The following SNTB1 variants were observed in gnomAD, a reference collection of about 807,000 sequenced individuals.
SNTB1 encodes the protein beta-1-syntrophin.
SNTB1 carries 36 observed loss-of-function variants against 48.9 expected under a neutral mutation model. The observed-to-expected ratio is 0.74, with a 90% CI of 0.56 to 0.97. The LOEUF (loss-of-function observed/expected upper bound fraction) is 0.97, where lower values mean the gene tolerates loss of function less well. Among genes scored for constraint, SNTB1 ranks in the 50% least tolerant of loss-of-function variants. The probability of loss-of-function intolerance (pLI) is 0.00; values close to 1 mark genes in which losing one functional copy is unlikely to be tolerated. For missense variants in SNTB1, 786 were observed against 703.4 expected, an observed-to-expected ratio of 1.12 and a Z score of -1.33; for synonymous variants, 299 against 294.6, an observed-to-expected ratio of 1.01 and a Z score of -0.15.
At position 120,632,452 on chromosome 8, in the gene SNTB1, C is replaced by T. The variant is rs148294004; in HGVS notation, c.988G>A (p.Ala330Thr). The change falls in exon 3 of 7, where the codon GCA (alanine) becomes ACA (threonine). Residue 330 changes from alanine to threonine, a missense_variant. Ala to Thr is a moderately conservative substitution (Grantham distance 58). Transcript: ENST00000517992. ...GAAGGTATTTTCCTTACCTTTTCTG[C>T]AAGCCAGCCAAGATGCCTAATCTCT... ...SREIRHLGWL[A>T]EKVPGESKKQ... 496 of 1,613,828 alleles carry T rather than the reference C, an allele frequency of 3.1e-4. No homozygotes were observed. The highest frequency in any genetic ancestry group is 4.0e-4 in the Non-Finnish European group (469 of 1,180,008).
intron 3 of SNTB1, among the ~76,000 whole-genome samples, chr8:120,610,265 T>C (rs1486695541): frequency 1.3e-5 from 2 of 152,144 alleles, no homozygotes; most frequent in Admixed American, 6.5e-5. Context: ...GCCTCCCAGG[T>C]AGCTCGGATT....
chr8:120,585,775 T>G (rs1816129717), intron 3 of SNTB1, among the ~76,000 whole-genome samples: 1 of 152,382 alleles, frequency 6.6e-6, no homozygotes, highest in Middle Eastern at 3.4e-3. Flanking sequence ...CCAGGGCAGA[T>G]GTTTGCAAGT....
intron 4 of SNTB1, chr8:120,571,244 A>C: frequency 1.6e-6 from 2 of 1,273,162 alleles, no homozygotes; most frequent in Non-Finnish European, 2.0e-6. Flanking sequence ...GAATCATTTC[A>C]AGATGCTTGG....
At chr8:120,588,560 A>G (rs1816187057) in intron 3 of SNTB1, among the ~76,000 whole-genome samples, 1 of 151,968 alleles carries the variant, frequency 6.6e-6, no homozygotes, top group African/African-American at 2.4e-5. Flanking sequence ...ACTTCCTGGC[A>G]GCAAGGAGGG....
At chr8:120,554,222 G>A (rs938206799) in intron 4 of SNTB1, among the ~76,000 whole-genome samples, 3 of 152,224 alleles carry the variant, frequency 2.0e-5, no homozygotes, top group African/African-American at 4.8e-5. Flanking sequence ...GTGACAAGGC[G>A]TTTCTACATG....
chr8:120,673,294 CTTT>C (rs112897189), intron 2 of SNTB1, among the ~76,000 whole-genome samples: 1 of 143,654 alleles, frequency 7.0e-6, no homozygotes, highest in African/African-American at 2.5e-5. Context: ...TTTTTTCTTT[CTTT>C]TTTTTTTTTT....
At position 120,812,044 on chromosome 8, in the gene SNTB1, C is replaced by T. The variant is rs1279314121; in HGVS notation, c.-201G>A. Reference sequence around the variant, plus strand: ...CTGCACTCAGGCTGGTTCCCCCTCGCCTGATCCTGACCGGGGTGGAGCAAC... The same window carrying T: ...CTGCACTCAGGCTGGTTCCCCCTCGTCTGATCCTGACCGGGGTGGAGCAAC... On this transcript the variant is annotated 5_prime_UTR_variant, in exon 1 of 7. Transcript: ENST00000517992. 3.2e-6 allele frequency: 4 copies of T among 1,252,674 alleles called. No homozygotes were observed. The highest frequency in any genetic ancestry group is 3.0e-6 in the Non-Finnish European group (3 of 1,003,444). The allele number at this position is 1,252,674 out of a possible 1,614,324, so 77.6% of individuals were successfully genotyped here.
intron 1 of SNTB1, among the ~76,000 whole-genome samples, chr8:120,740,990 A>G (rs1175571027): frequency 6.6e-6 from 1 of 152,220 alleles, no homozygotes; most frequent in Non-Finnish European, 1.5e-5. Context: ...TCAGTGGTTG[A>G]GCAAGGATTT....
intron 2 of SNTB1, among the ~76,000 whole-genome samples, chr8:120,640,758 T>C (rs1587054881): frequency 6.6e-6 from 1 of 152,348 alleles, no homozygotes. Context: ...AAAATTTTGA[T>C]GTGCTGCTGG....
At chr8:120,576,076 C>T (rs1268316809) in intron 3 of SNTB1, among the ~76,000 whole-genome samples, 1 of 152,170 alleles carries the variant, frequency 6.6e-6, no homozygotes, top group East Asian at 1.9e-4. Flanking sequence ...ATTCTTGCTA[C>T]TCAAAATATG....
intron 4 of SNTB1, among the ~76,000 whole-genome samples, chr8:120,564,248 T>C (rs1265697388): frequency 6.6e-6 from 1 of 152,100 alleles, no homozygotes; most frequent in Non-Finnish European, 1.5e-5. Flanking sequence ...TGGTTAAAGC[T>C]AAATGTGGGG....
intron 3 of SNTB1, among the ~76,000 whole-genome samples, chr8:120,632,064 C>G (rs922572649): frequency 6.6e-6 from 1 of 152,196 alleles, no homozygotes; most frequent in Non-Finnish European, 1.5e-5. Context: ...AAAACCCACA[C>G]AAACCCTTTT....
At chr8:120,691,392 T>C (rs1410816814) in intron 2 of SNTB1, among the ~76,000 whole-genome samples, 1 of 152,228 alleles carries the variant, frequency 6.6e-6, no homozygotes, top group Non-Finnish European at 1.5e-5. Context: ...GTTGAGAACT[T>C]ACATAAACAC....
chr8:120,651,198 C>T (rs564040076), intron 2 of SNTB1, among the ~76,000 whole-genome samples: 2 of 152,250 alleles, frequency 1.3e-5, no homozygotes, highest in African/African-American at 2.4e-5. Context: ...TATAGTCCAA[C>T]TCCCTTCCAG....
Position 120,740,526 on chromosome 8 carries a change from A to G in SNTB1, c.572-46618T>C, listed in dbSNP as rs551898927. ...TCTACAGTTACAGCAAACAATCAACACAACCTAACTCCTAGGCAAATAAAG... is the reference window on the plus strand; with the variant it reads ...TCTACAGTTACAGCAAACAATCAACGCAACCTAACTCCTAGGCAAATAAAG... On this transcript the variant is annotated intron_variant, in intron 1 of 6. Coordinates refer to ENST00000517992, the MANE Select transcript of SNTB1 (RefSeq NM_021021.4). Among the ~76,000 whole-genome samples, 164 of 152,322 alleles carry G rather than the reference A, an allele frequency of 1.1e-3. 2 individuals are homozygous for G. The highest frequency in any genetic ancestry group is 3.6e-3 in the African/African-American group (151 of 41,584).
At chr8:120,751,339 C>T (rs1314552669) in intron 1 of SNTB1, among the ~76,000 whole-genome samples, 1 of 152,172 alleles carries the variant, frequency 6.6e-6, no homozygotes, top group Admixed American at 6.5e-5. Flanking sequence ...TCTGACACGA[C>T]AACTGGGTAG....
chr8:120,699,382 C>A (rs918501012), intron 1 of SNTB1, among the ~76,000 whole-genome samples: 1 of 152,170 alleles, frequency 6.6e-6, no homozygotes, highest in African/African-American at 2.4e-5. Context: ...TGGCTTAGCG[C>A]CATCCCCTTG....
intron 1 of SNTB1, among the ~76,000 whole-genome samples, chr8:120,753,759 G>A (rs897210541): frequency 6.6e-6 from 1 of 152,148 alleles, no homozygotes; most frequent in Non-Finnish European, 1.5e-5. Context: ...GCATACTAGA[G>A]GGACTTTAAT....
chr8:120,619,712 C>T (rs936905256), intron 3 of SNTB1, among the ~76,000 whole-genome samples: 3 of 152,084 alleles, frequency 2.0e-5, no homozygotes, highest in East Asian at 3.9e-4. Flanking sequence ...CTCTGTGTGA[C>T]CTTGAATGCT....
Sources: gnomAD v4.1 joint callset for allele counts (sites outside exome capture counted in the v4.1 genomes callset) on GRCh38, gnomAD v4.1.1 for gene constraint, MANE v1.5 for transcripts, NCBI Gene and HGNC (gene_info 2026-07-23, HGNC 2026-07-21) for gene names.